OR11L1: variants seen among roughly 807,000 people sequenced by gnomAD.
The protein encoded by OR11L1 is olfactory receptor family 11 subfamily L member 1.
For missense variants in OR11L1, 397 were observed against 392.7 expected (o/e 1.01, Z -0.09); for synonymous variants, 164 against 159.1 (o/e 1.03, Z -0.23).
rs372977001 is a variant in OR11L1, at chr1:247,841,296, T to C, written c.601A>G (p.Ile201Val). The C allele has an allele frequency of 1.2e-6, 2 of 1,613,972 alleles. No individual in the cohort carries two copies. The highest frequency in any genetic ancestry group is 2.7e-5 in the African/African-American group (2 of 74,876). ...RVYITEVTIF[I>V]LSIAVLCICF... ...ATGCACAGCACGGCAATTGACAGGA[T>C]GAAGATGGTCACCTCGGTGATATAA... is the stretch of plus-strand genomic sequence containing the variant. Residue 201 changes from isoleucine (I) to valine (V), a missense_variant, in exon 1 of 1, where the codon ATC (isoleucine) becomes GTC (valine). Ile to Val is a conservative substitution (Grantham distance 29). Transcript: ENST00000355784.
Position 247,841,675 on chromosome 1 carries a change from C to T in OR11L1, c.222G>A (p.Thr74=), listed in dbSNP as rs1354979273. The change falls in exon 1 of 1, where the codon ACG becomes ACA. Residue 74 remains threonine (T), a synonymous_variant. Coordinates refer to ENST00000355784, the MANE Select transcript of OR11L1 (RefSeq NM_001001959.1). The part of the protein sequence containing the change: ...QHLSFLEVWY[T]STTVPLLLAN... ...CTAGGAGAAGGGGCACAGTGGTGGA[C>T]GTGTACCAGACCTCCAGAAAGGAGA... 6.8e-6 allele frequency: 11 copies of T among 1,613,930 alleles called. No homozygotes were observed. Among genetic ancestry groups the T allele is most frequent in the African/African-American group, 1.3e-5 (1 of 74,904 alleles).
At position 247,841,513 on chromosome 1, in the gene OR11L1, G is replaced by C. The variant is rs758468647; in HGVS notation, c.384C>G (p.Ser128Arg). Residue 128 changes from serine (S) to arginine (R), a missense_variant, in exon 1 of 1, where the codon AGC becomes AGG. Coordinates refer to ENST00000355784, the MANE Select transcript of OR11L1 (RefSeq NM_001001959.1). ...GCATGAGGAAGGGGTAGCGGAGTGGGCTGCAGATGGCCAGGTAACGGTCAT... is the reference window on the plus strand; with the variant it reads ...GCATGAGGAAGGGGTAGCGGAGTGGCCTGCAGATGGCCAGGTAACGGTCAT... ...MAYDRYLAIC[S>R]PLRYPFLMHR... The C allele has an allele frequency of 5.0e-6, 8 of 1,614,112 alleles. No individual in the cohort carries two copies. The East Asian group carries it at 1.8e-4, about 36-fold the overall frequency.
chr1:247,841,828 C>A lies in OR11L1; in HGVS notation c.69G>T (p.Trp23Cys). ...GGAAAATGACAAAGAGCAGGGCCTG[C>A]CATTCAAGAAGGTTCTGGAATCCTA... ...QLLGFQNLLE[W>C]QALLFVIFLL... is the part of the protein sequence containing the mutation. The change falls in exon 1 of 1, where the codon TGG (tryptophan) becomes TGT (cysteine). Residue 23 changes from tryptophan (W) to cysteine (C), a missense_variant. Coordinates refer to ENST00000355784, the MANE Select transcript of OR11L1 (RefSeq NM_001001959.1). 6.2e-7 allele frequency: 1 copy of A among 1,613,946 alleles called. No homozygotes were observed. The highest frequency in any genetic ancestry group is 2.2e-5 in the East Asian group (1 of 44,880).
In OR11L1 at chr1:247,841,769, A is replaced by G. The variant is rs569345550; in HGVS notation, c.128T>C (p.Val43Ala). 5 of 1,614,154 alleles carry G rather than the reference A, an allele frequency of 3.1e-6. No homozygotes were observed. The South Asian group carries it at 3.3e-5, about 11-fold the overall frequency. ...CTGGCTCACCACGGTGATGATGACA[A>G]CATTCCCTATAATGGTCAGGCAGTA... ...LIYCLTIIGN[V>A]VIITVVSQGL... Residue 43 changes from valine to alanine, a missense_variant, in exon 1 of 1, where the codon GTT becomes GCT. By Grantham distance (64) the Val-to-Ala change is moderately conservative. Coordinates refer to ENST00000355784, the MANE Select transcript of OR11L1 (RefSeq NM_001001959.1).
rs750973577 is a variant in OR11L1 at position 247,841,405 on chromosome 1, G to A, written c.492C>T (p.Ser164=). The A allele has an allele frequency of 6.2e-7, 1 of 1,614,184 alleles. No homozygotes were observed. The highest frequency in any genetic ancestry group is 8.5e-7 in the Non-Finnish European group (1 of 1,180,026). ...STGFLPSLMI[S]RLDFCGRNQI... The stretch of plus-strand genomic sequence containing the variant: ...GATTGCGCCCACAGAAGTCCAACCT[G>A]GAAATCATCAGGGAAGGCAGAAAGC... The change falls in exon 1 of 1, where the codon TCC becomes TCT. Residue 164 remains serine, a synonymous_variant. Transcript: ENST00000355784.
chr1:247,841,870 C>A lies in OR11L1; in HGVS notation c.27G>T (p.Val9=). Residue 9 remains valine, a synonymous_variant, in exon 1 of 1, where the codon GTG becomes GTT. Transcript: ENST00000355784. MEPQNTST[V]TNFQLLGFQN... is the part of the protein sequence containing the mutation. ...GGAATCCTAACAGCTGAAAGTTAGT[C>A]ACAGTGGAGGTATTTTGGGGCTCCA... The A allele has an allele frequency of 1.2e-6, 2 of 1,613,406 alleles. No homozygotes were observed. The highest frequency in any genetic ancestry group is 2.2e-5 in the South Asian group (2 of 90,888).
rs1306275525 is a variant in OR11L1 at position 247,841,277 on chromosome 1, A to G, written c.620T>C (p.Leu207Pro). The G allele has an allele frequency of 6.2e-7, 1 of 1,614,118 alleles. No individual in the cohort carries two copies. The change falls in exon 1 of 1, where the codon CTG becomes CCG. Residue 207 changes from leucine to proline, a missense_variant. Physicochemically the swap from Leu to Pro is moderately conservative, Grantham distance 98. Coordinates refer to ENST00000355784, the MANE Select transcript of OR11L1 (RefSeq NM_001001959.1). ...VTIFILSIAV[L>P]CICFFLTLGP... ...CAGTGTCAGAAAAAAACAAATGCAC[A>G]GCACGGCAATTGACAGGATGAAGAT...
chr1:247,841,240 AAC>A lies in OR11L1; in HGVS notation c.655_656del (p.Val219PhefsTer50). The A allele has an allele frequency of 6.2e-7, 1 of 1,614,154 alleles. No homozygotes were observed. Among genetic ancestry groups the A allele is most frequent in the Non-Finnish European group, 8.5e-7 (1 of 1,180,004 alleles). ...TTCTCAATATGGAGGACACAATGAA[AAC>A]ATAGGGCCCCAGTGTCAGAAAAAAA... ...ICFFLTLGPY[V>X]FIVSSILRIP... On this transcript the variant is annotated frameshift_variant, in exon 1 of 1. Transcript: ENST00000355784. LOFTEE classifies it low-confidence loss of function (END_TRUNC).
At position 247,841,755 on chromosome 1, in the gene OR11L1, C is replaced by A. The variant is rs371909713; in HGVS notation, c.142G>T (p.Val48Leu). 1.5e-5 allele frequency: 25 copies of A among 1,613,828 alleles called. No homozygotes were observed. The African/African-American group carries it at 3.3e-4, about 22-fold the overall frequency. ...TGCAGTCGCAGGCCCTGGCTCACCA[C>A]GGTGATGATGACAACATTCCCTATA... is the stretch of plus-strand genomic sequence containing the variant. ...TIIGNVVIIT[V>L]VSQGLRLHSP... Residue 48 changes from valine to leucine, a missense_variant, in exon 1 of 1, where the codon GTG becomes TTG. By Grantham distance (32) the Val-to-Leu change is conservative. Transcript: ENST00000355784.
In OR11L1 at chr1:247,840,967, AC is replaced by A. The variant is rs1211825329; in HGVS notation, c.929del (p.Gly310ValfsTer?). On this transcript the variant is annotated frameshift_variant, in exon 1 of 1. Transcript: ENST00000355784. LOFTEE classifies it low-confidence loss of function (END_TRUNC). ...TCCTTTTACTTGTACTCCATAGAATACCACATTTCCTTCTCATGACCTTTCT... is the reference window on the plus strand; with the variant it reads ...TCCTTTTACTTGTACTCCATAGAATACACATTTCCTTCTCATGACCTTTCT... Reference protein sequence around the residue: ...AVRKVMRRKCGILWSTSKRKF... With the variant: ...AVRKVMRRKCXILWSTSKRKF... The A allele has an allele frequency of 6.2e-7, 1 of 1,614,010 alleles. No homozygotes were observed. Among genetic ancestry groups the A allele is most frequent in the Admixed American group, 1.7e-5 (1 of 60,018 alleles).
At position 247,841,045 on chromosome 1, in the gene OR11L1, C is replaced by T. The variant is rs1345835207; in HGVS notation, c.852G>A (p.Leu284=). The change falls in exon 1 of 1, where the codon CTG becomes CTA. Residue 284 remains leucine (L), a synonymous_variant. Coordinates refer to ENST00000355784, the MANE Select transcript of OR11L1 (RefSeq NM_001001959.1). The part of the protein sequence containing the change: ...ISVFYTVVTP[L]LNPVIYSLRN... The stretch of plus-strand genomic sequence containing the variant: ...TCAAGCTGTAGATAACTGGGTTCAG[C>T]AGTGGTGTGACCACAGTGTAGAAGA... 1 of 1,614,100 alleles carries T rather than the reference C, an allele frequency of 6.2e-7. No individual in the cohort carries two copies. Among genetic ancestry groups the T allele is most frequent in the African/African-American group, 1.3e-5 (1 of 74,924 alleles).
At position 247,841,858 on chromosome 1, in the gene OR11L1, C is replaced by G. The variant is rs1663271730; in HGVS notation, c.39G>C (p.Gln13His). Residue 13 changes from glutamine (Q) to histidine (H), a missense_variant, in exon 1 of 1, where the codon CAG becomes CAC. Gln to His is a conservative substitution (Grantham distance 24). Coordinates refer to ENST00000355784, the MANE Select transcript of OR11L1 (RefSeq NM_001001959.1). ...CAAGAAGGTTCTGGAATCCTAACAG[C>G]TGAAAGTTAGTCACAGTGGAGGTAT... ...PQNTSTVTNFQLLGFQNLLEW... is the reference protein window; with the variant it reads ...PQNTSTVTNFHLLGFQNLLEW... 2 of 1,613,806 alleles carry G rather than the reference C, an allele frequency of 1.2e-6. No individual in the cohort carries two copies. Among genetic ancestry groups the G allele is most frequent in the East Asian group, 4.5e-5 (2 of 44,880 alleles).
In OR11L1 at chr1:247,841,675, C is replaced by G; in HGVS notation, c.222G>C (p.Thr74=). The G allele has an allele frequency of 1.9e-6, 3 of 1,614,048 alleles. No homozygotes were observed. Among genetic ancestry groups the G allele is most frequent in the South Asian group, 1.1e-5 (1 of 91,066 alleles). ...CTAGGAGAAGGGGCACAGTGGTGGACGTGTACCAGACCTCCAGAAAGGAGA... is the reference window on the plus strand; with the variant it reads ...CTAGGAGAAGGGGCACAGTGGTGGAGGTGTACCAGACCTCCAGAAAGGAGA... ...QHLSFLEVWY[T]STTVPLLLAN... is the part of the protein sequence containing the mutation. The change falls in exon 1 of 1, where the codon ACG becomes ACC. Residue 74 remains threonine (T), a synonymous_variant. Transcript: ENST00000355784.
chr1:247,840,955 A>G lies in OR11L1; in HGVS notation c.942T>C (p.Ser314=). Residue 314 remains serine, a synonymous_variant, in exon 1 of 1, where the codon AGT becomes AGC. Coordinates refer to ENST00000355784, the MANE Select transcript of OR11L1 (RefSeq NM_001001959.1). Reference sequence around the variant, plus strand: ...AATAAAGGAACTTCCTTTTACTTGTACTCCATAGAATACCACATTTCCTTC... The same window carrying G: ...AATAAAGGAACTTCCTTTTACTTGTGCTCCATAGAATACCACATTTCCTTC... The part of the protein sequence containing the change: ...VMRRKCGILW[S]TSKRKFLY 3.1e-6 allele frequency: 5 copies of G among 1,612,596 alleles called. No individual in the cohort carries two copies. The highest frequency in any genetic ancestry group is 4.2e-6 in the Non-Finnish European group (5 of 1,179,086).
Position 247,841,430 on chromosome 1 carries a change from C to T in OR11L1, c.467G>A (p.Gly156Asp), listed in dbSNP as rs767035986. The T allele has an allele frequency of 6.2e-7, 1 of 1,614,206 alleles. No homozygotes were observed. The highest frequency in any genetic ancestry group is 1.3e-5 in the African/African-American group (1 of 75,046). Residue 156 changes from glycine to aspartate, a missense_variant, in exon 1 of 1, where the codon GGC becomes GAC. Gly to Asp is a moderately conservative substitution (Grantham distance 94). Coordinates refer to ENST00000355784, the MANE Select transcript of OR11L1 (RefSeq NM_001001959.1). ...VVSWCTGVSTGFLPSLMISRL... is the reference protein window; with the variant it reads ...VVSWCTGVSTDFLPSLMISRL... ...GGAAATCATCAGGGAAGGCAGAAAG[C>T]CTGTGCTGACCCCTGTGCACCAGGA... is the stretch of plus-strand genomic sequence containing the variant.
In OR11L1 at chr1:247,841,481, C is replaced by T. The variant is rs762994894; in HGVS notation, c.416G>A (p.Gly139Glu). The change falls in exon 1 of 1, where the codon GGG becomes GAG. Residue 139 changes from glycine to glutamate, a missense_variant. Gly to Glu is a moderately conservative substitution (Grantham distance 98). Coordinates refer to ENST00000355784, the MANE Select transcript of OR11L1 (RefSeq NM_001001959.1). The part of the protein sequence containing the change: ...PLRYPFLMHR[G>E]LCARLVVVSW... ...GACCACCACCAACCTGGCACAGAGCCCACGATGCATGAGGAAGGGGTAGCG... is the reference window on the plus strand; with the variant it reads ...GACCACCACCAACCTGGCACAGAGCTCACGATGCATGAGGAAGGGGTAGCG... 1 of 1,614,108 alleles carries T rather than the reference C, an allele frequency of 6.2e-7. No individual in the cohort carries two copies. Among genetic ancestry groups the T allele is most frequent in the Non-Finnish European group, 8.5e-7 (1 of 1,180,022 alleles).
chr1:247,841,140 C>T lies in OR11L1; in HGVS notation c.757G>A (p.Gly253Arg), dbSNP rs141952418. ...SHLAVVTLYY[G>R]TMISMYVCPS... is the part of the protein sequence containing the mutation. The stretch of plus-strand genomic sequence containing the variant: ...CACACATACATGGAGATCATGGTCC[C>T]GTAGTAGAGAGTGACAACAGCCAGG... Residue 253 changes from glycine (G) to arginine (R), a missense_variant, in exon 1 of 1, where the codon GGG becomes AGG. Physicochemically the swap from Gly to Arg is moderately radical, Grantham distance 125 (BLOSUM62 -2). Coordinates refer to ENST00000355784, the MANE Select transcript of OR11L1 (RefSeq NM_001001959.1). 313 of 1,614,048 alleles carry T rather than the reference C, an allele frequency of 1.9e-4. No homozygotes were observed. The African/African-American group carries it at 2.1e-3, about 11-fold the overall frequency.
In OR11L1 at chr1:247,841,292, AG is replaced by A. The variant is rs1351262532; in HGVS notation, c.604del (p.Leu202CysfsTer12). On this transcript the variant is annotated frameshift_variant, in exon 1 of 1. Coordinates refer to ENST00000355784, the MANE Select transcript of OR11L1 (RefSeq NM_001001959.1). LOFTEE classifies it low-confidence loss of function (END_TRUNC). ...VYITEVTIFILSIAVLCICFF... is the reference protein window; with the variant it reads ...VYITEVTIFIXSIAVLCICFF... ...ACAAATGCACAGCACGGCAATTGAC[AG>A]GATGAAGATGGTCACCTCGGTGATA... 6.2e-7 allele frequency: 1 copy of A among 1,614,128 alleles called. No individual in the cohort carries two copies. Among genetic ancestry groups the A allele is most frequent in the Non-Finnish European group, 8.5e-7 (1 of 1,180,038 alleles).
At position 247,841,591 on chromosome 1, in the gene OR11L1, G is replaced by A. The variant is rs748378293; in HGVS notation, c.306C>T (p.Tyr102=). Residue 102 remains tyrosine (Y), a synonymous_variant, in exon 1 of 1, where the codon TAC becomes TAT. Transcript: ENST00000355784. ...CGGTGGCGCCGAGGAATACGAAGAA[G>A]TAGAGCTGTGCCATGCAGGCAGAGA... is the stretch of plus-strand genomic sequence containing the variant. ...ISFSACMAQL[Y]FFVFLGATEC... 1 of 1,614,026 alleles carries A rather than the reference G, an allele frequency of 6.2e-7. No homozygotes were observed. Among genetic ancestry groups the A allele is most frequent in the East Asian group, 2.2e-5 (1 of 44,866 alleles).
Sources: allele counts gnomAD v4.1 joint callset, GRCh38; gene constraint gnomAD v4.1.1; transcripts MANE v1.5; gene names NCBI Gene and HGNC (gene_info 2026-07-23, HGNC 2026-07-21).